Variants in CMIP observed in about 807,000 individuals in gnomAD.
The protein encoded by CMIP is c-Maf inducing protein.
In CMIP, 13 loss-of-function variants were observed where a neutral mutation model predicts 97.3. That is an observed-to-expected ratio of 0.13 (90% CI 0.09 to 0.21). CMIP has a LOEUF of 0.21. Ranked by LOEUF, CMIP falls within the 10% of genes least tolerant of loss-of-function variation. The pLI, the probability that CMIP is intolerant of heterozygous loss-of-function variation, is 1.00. For synonymous variants in CMIP, 538 were observed against 436.3 expected, an observed-to-expected ratio of 1.23 and a Z score of -2.91; for missense variants, 847 against 1,024.9, an observed-to-expected ratio of 0.83 and a Z score of 2.37.
chr16:81,603,157 G>A (rs945274367), intron 1 of CMIP, among the ~76,000 whole-genome samples: 4 of 152,176 alleles, frequency 2.6e-5, no homozygotes, highest in African/African-American at 9.7e-5. Context: ...TCGGCTCACT[G>A]CAAGCTTCAC....
intron 1 of CMIP, among the ~76,000 whole-genome samples, chr16:81,544,565 G>A (rs2090509123): frequency 6.6e-6 from 1 of 151,846 alleles, no homozygotes; most frequent in Admixed American, 6.6e-5. Flanking sequence ...TGGAGCCTAA[G>A]GACTTCTATT....
At chr16:81,658,940 G>T (rs1443208867) in intron 5 of CMIP, among the ~76,000 whole-genome samples, 1 of 152,230 alleles carries the variant, frequency 6.6e-6, no homozygotes, top group Admixed American at 6.5e-5. Context: ...TGCACAAAAT[G>T]AGGTGAGCCC....
At chr16:81,522,721 G>C (rs2090052360) in intron 1 of CMIP, among the ~76,000 whole-genome samples, 3 of 152,086 alleles carry the variant, frequency 2.0e-5, no homozygotes, top group African/African-American at 7.2e-5. Context: ...TTGTTAGTAT[G>C]TTGTCCTCTT....
intron 1 of CMIP, among the ~76,000 whole-genome samples, chr16:81,565,624 A>G (rs1170218057): frequency 6.6e-6 from 1 of 152,164 alleles, no homozygotes; most frequent in Non-Finnish European, 1.5e-5. Flanking sequence ...GGGTCCTAGT[A>G]CACACATGGC....
chr16:81,577,342 C>A (rs1192753175), intron 1 of CMIP, among the ~76,000 whole-genome samples: 1 of 144,564 alleles, frequency 6.9e-6, no homozygotes, highest in African/African-American at 2.6e-5. Flanking sequence ...ATCACCATCA[C>A]CATCATCACC....
intron 1 of CMIP, among the ~76,000 whole-genome samples, chr16:81,580,721 C>A (rs376118251): frequency 1.3e-5 from 2 of 152,142 alleles, no homozygotes; most frequent in Admixed American, 1.3e-4. Context: ...CAGGCGTGAG[C>A]CACTGCTCCT....
chr16:81,667,783 AGAGAGAGAGAGAGAGAGTGTGTGT>A (rs1406988217), intron 7 of CMIP, among the ~76,000 whole-genome samples: 1 of 122,654 alleles, frequency 8.2e-6, no homozygotes, highest in Admixed American at 8.6e-5. Context: ...AGAGAGAGAG[AGAGAGAGAGAGAGAGAGTGTGTGT>A]GTGTGTGTGT....
chr16:81,594,225 C>T (rs1438384363), intron 1 of CMIP, among the ~76,000 whole-genome samples: 1 of 150,562 alleles, frequency 6.6e-6, no homozygotes, highest in African/African-American at 2.4e-5. Context: ...TCAAGTGATC[C>T]TCCCACCTCA....
chr16:81,651,935 ATC>A (rs2092433165), intron 3 of CMIP, among the ~76,000 whole-genome samples: 1 of 152,178 alleles, frequency 6.6e-6, no homozygotes, highest in Admixed American at 6.5e-5. Flanking sequence ...GAAAAAGGTA[ATC>A]TATCAAGGAT....
chr16:81,552,022 G>A (rs1320074863), intron 1 of CMIP, among the ~76,000 whole-genome samples: 5 of 152,176 alleles, frequency 3.3e-5, no homozygotes, highest in East Asian at 3.9e-4. Context: ...CTGCAGCCTC[G>A]GCGGCAGGGG....
intron 1 of CMIP, among the ~76,000 whole-genome samples, chr16:81,532,428 G>C (rs2090256299): frequency 6.6e-6 from 1 of 152,096 alleles, no homozygotes; most frequent in Non-Finnish European, 1.5e-5. Flanking sequence ...TTTCCTGCCA[G>C]GCCAATACAT....
intron 1 of CMIP, among the ~76,000 whole-genome samples, chr16:81,498,460 T>G (rs1353528916): frequency 6.6e-6 from 1 of 152,194 alleles, no homozygotes; most frequent in South Asian, 2.1e-4. Flanking sequence ...GCTCGGCAGC[T>G]CTGAGGGGGC....
At chr16:81,667,791 AGAGAGAGAGTGTGTGTGTGTGTGT>A (rs1314399462) in intron 7 of CMIP, among the ~76,000 whole-genome samples, 34 of 102,878 alleles carry the variant, frequency 3.3e-4, no homozygotes, top group African/African-American at 1.2e-3. Flanking sequence ...AGAGAGAGAG[AGAGAGAGAGTGTGTGTGTGTGTGT>A]GTGTGTGTGT....
chr16:81,458,137 G>A (rs1258370619), intron 1 of CMIP, among the ~76,000 whole-genome samples: 3 of 152,278 alleles, frequency 2.0e-5, no homozygotes, highest in East Asian at 3.9e-4. Context: ...AGGTTTTTGG[G>A]GGAGATGAGG....
chr16:81,505,515 C>T (rs1258621341), intron 1 of CMIP, among the ~76,000 whole-genome samples: 1 of 152,208 alleles, frequency 6.6e-6, no homozygotes, highest in Admixed American at 6.5e-5. Flanking sequence ...GTTTCTGGTC[C>T]CTCTTGGAGC....
At chr16:81,700,577 A>T (rs1044206557) in intron 15 of CMIP, 1 of 152,390 alleles carries the variant, frequency 6.6e-6, no homozygotes, top group East Asian at 1.9e-4. Flanking sequence ...CCTCAGTCAA[A>T]GCCGTGGGAG....
intron 9 of CMIP, among the ~76,000 whole-genome samples, chr16:81,675,854 A>C (rs1254382057): frequency 1.3e-5 from 2 of 152,248 alleles, no homozygotes; most frequent in Middle Eastern, 3.2e-3. Context: ...TGGATTCAGC[A>C]GGTCTGGGGC....
rs1360071122 is a variant in CMIP, at chr16:81,620,893, G to C, written c.444G>C (p.Leu148=). The C allele has an allele frequency of 6.2e-7, 1 of 1,614,012 alleles. No individual in the cohort carries two copies. Among genetic ancestry groups the C allele is most frequent in the Non-Finnish European group, 8.5e-7 (1 of 1,179,874 alleles). ...TVLLQAANSY[L]RDQWFHSLQW... ...CGTTACAGGCTGCCAATAGCTACCT[G>C]CGAGACCAGTGGTTCCATTCTCTGC... The change falls in exon 3 of 21, where the codon CTG becomes CTC. Residue 148 remains leucine, a synonymous_variant. Transcript: ENST00000537098.
At chr16:81,674,277 C>T (rs910390164) in intron 9 of CMIP, among the ~76,000 whole-genome samples, 2 of 152,174 alleles carry the variant, frequency 1.3e-5, no homozygotes, top group Non-Finnish European at 2.9e-5. Context: ...AAACGGAAGC[C>T]AGAGGGTAGT....
Sources: gnomAD v4.1 joint callset for allele counts (sites outside exome capture counted in the v4.1 genomes callset) on GRCh38, gnomAD v4.1.1 for gene constraint, MANE v1.5 for transcripts, NCBI Gene and HGNC (gene_info 2026-07-23, HGNC 2026-07-21) for gene names.